Variants in RABGAP1L observed in about 807,000 individuals in gnomAD.
RABGAP1L encodes RAB GTPase activating protein 1 like.
In RABGAP1L, 63 loss-of-function variants were observed where a neutral mutation model predicts 137.7. That is an observed-to-expected ratio of 0.46 (90% CI 0.37 to 0.56). The LOEUF is 0.56. Among genes scored for constraint, RABGAP1L ranks in the 20% least tolerant of loss-of-function variants. The pLI is 0.00. For missense variants in RABGAP1L, 1,095 were observed against 1,244.0 expected (o/e 0.88, Z 1.80); for synonymous variants, 431 against 433.7 (o/e 0.99, Z 0.08).
chr1:174,195,785 TTTTCTTTCTTTCTTTCTTTCTTTCTATCC>T lies in RABGAP1L; in HGVS notation c.-33-23337_-33-23309del, dbSNP rs1280488872. ...TCTCTTTCTCTCTTTCCTTTCTTTC[TTTTCTTTCTTTCTTTCTTTCTTTCTATCC>T]TTCTTTCTTTCTATCCTTCTTCTTC... On this transcript the variant is annotated intron_variant, in intron 1 of 25. Transcript: ENST00000681986. 2.7e-4 allele frequency among the ~76,000 whole-genome samples: 31 copies of T among 112,872 alleles called. 3 individuals are homozygous for T. The highest frequency in any genetic ancestry group is 2.3e-3 in the East Asian group (10 of 4,292). 74.0% of individuals were successfully genotyped at this position (112,872 alleles called of 152,430 possible). A position where few individuals can be genotyped will look rare whatever the true frequency, so the allele number is the denominator to read the frequency against.
intron 24 of RABGAP1L, among the ~76,000 whole-genome samples, chr1:174,983,672 TA>T (rs1016082478): frequency 2.8e-4 from 43 of 152,202 alleles, no homozygotes; most frequent in African/African-American, 1.0e-3. Context: ...TTGTGTTCTA[TA>T]AAATGGAGAT....
intron 19 of RABGAP1L, among the ~76,000 whole-genome samples, chr1:174,841,633 A>G (rs577183076): frequency 6.6e-6 from 1 of 152,110 alleles, no homozygotes; most frequent in African/African-American, 2.4e-5. Flanking sequence ...AAAATATGAT[A>G]TTAAGTTTAT....
chr1:174,752,440 C>A, intron 18 of RABGAP1L, 86 bp downstream of exon 18: 1 of 1,011,222 alleles, frequency 9.9e-7, no homozygotes, highest in Non-Finnish European at 1.4e-6. Flanking sequence ...CAGTCTTTGA[C>A]TCATTTCAGT....
chr1:174,772,307 G>A (rs926348375), intron 18 of RABGAP1L, among the ~76,000 whole-genome samples: 4 of 151,890 alleles, frequency 2.6e-5, no homozygotes, highest in African/African-American at 4.8e-5. Flanking sequence ...GGTCAGGGCA[G>A]TGGCTCAGGC....
chr1:174,700,965 G>A lies in RABGAP1L; in HGVS notation c.2026-1148G>A, dbSNP rs552465864. 337 of 958,622 alleles carry A rather than the reference G, an allele frequency of 3.5e-4. 4 individuals carry two copies. The South Asian group carries it at 5.5e-3, about 16-fold the overall frequency. 59.4% of individuals were successfully genotyped at this position (958,622 alleles called of 1,614,324 possible). A position where few individuals can be genotyped will look rare whatever the true frequency, so the allele number is the denominator to read the frequency against. ...CCTCAACCACATTTTTCTGTTAGCA[G>A]TTTTTTTTCAGTTAACTGAATGAGC... is the stretch of plus-strand genomic sequence containing the variant. On this transcript the variant is annotated intron_variant, in intron 16 of 25. Coordinates refer to ENST00000681986, the MANE Select transcript of RABGAP1L (RefSeq NM_001366446.1).
chr1:174,676,210 T>G (rs958673273), intron 14 of RABGAP1L, among the ~76,000 whole-genome samples: 1 of 152,164 alleles, frequency 6.6e-6, no homozygotes, highest in African/African-American at 2.4e-5. Flanking sequence ...TAGACCTGTA[T>G]ATTGTTGAGA....
chr1:174,493,655 A>G (rs1419972231), intron 13 of RABGAP1L, among the ~76,000 whole-genome samples: 1 of 151,856 alleles, frequency 6.6e-6, no homozygotes, highest in Non-Finnish European at 1.5e-5. Flanking sequence ...CTTTGTCTCT[A>G]CTGAAAATAC....
At chr1:174,814,846 G>A (rs192565957) in intron 19 of RABGAP1L, among the ~76,000 whole-genome samples, 7 of 152,014 alleles carry the variant, frequency 4.6e-5, no homozygotes, top group African/African-American at 7.2e-5. Flanking sequence ...GTGCCACCAC[G>A]CCTGGCTATT....
intron 13 of RABGAP1L, among the ~76,000 whole-genome samples, chr1:174,437,382 A>T (rs1653513244): frequency 6.6e-6 from 1 of 152,232 alleles, no homozygotes; most frequent in Non-Finnish European, 1.5e-5. Flanking sequence ...AAAGGACCTG[A>T]TGGAGCTGAA....
intron 19 of RABGAP1L, among the ~76,000 whole-genome samples, chr1:174,824,294 A>G (rs1691343408): frequency 6.6e-6 from 1 of 151,870 alleles, no homozygotes; most frequent in Admixed American, 6.6e-5. Context: ...CATCTCAAAA[A>G]AAATATATAG....
intron 19 of RABGAP1L, among the ~76,000 whole-genome samples, chr1:174,815,234 T>TAA (rs1184901295): frequency 2.6e-5 from 4 of 152,158 alleles, no homozygotes; most frequent in Non-Finnish European, 4.4e-5. Context: ...TAGGTAAGGA[T>TAA]GTGAGTCATC....
chr1:174,688,936 A>G (rs1678667860), intron 15 of RABGAP1L, among the ~76,000 whole-genome samples: 1 of 152,166 alleles, frequency 6.6e-6, no homozygotes, highest in Non-Finnish European at 1.5e-5. Context: ...ACTATAAAGA[A>G]CACCAATGAA....
intron 13 of RABGAP1L, among the ~76,000 whole-genome samples, chr1:174,519,752 C>G (rs545780464): frequency 6.6e-6 from 1 of 152,262 alleles, no homozygotes; most frequent in African/African-American, 2.4e-5. Context: ...GACAAACATA[C>G]ATTGCTAACT....
chr1:174,625,934 A>C (rs1389900792), intron 13 of RABGAP1L, among the ~76,000 whole-genome samples: 5 of 152,170 alleles, frequency 3.3e-5, no homozygotes, highest in Admixed American at 3.3e-4. Flanking sequence ...TAAAATTTGT[A>C]TGTATTTCAA....
At chr1:174,247,193 GAA>G (rs763095733) in intron 5 of RABGAP1L, among the ~76,000 whole-genome samples, 1 of 152,048 alleles carries the variant, frequency 6.6e-6, no homozygotes, top group Non-Finnish European at 1.5e-5. Context: ...CTGACATAAA[GAA>G]TGTGAAAAAG....
intron 17 of RABGAP1L, among the ~76,000 whole-genome samples, chr1:174,729,438 C>T (rs767995192): frequency 6.6e-5 from 10 of 152,054 alleles, no homozygotes; most frequent in African/African-American, 9.7e-5. Flanking sequence ...ATGACTAAGT[C>T]CTCAAAAGCA....
rs190091158 is a variant in RABGAP1L at position 174,358,894 on chromosome 1, C to A, written c.1466-12085C>A. Among the ~76,000 whole-genome samples, 45 of 152,160 alleles carry A rather than the reference C, an allele frequency of 3.0e-4. 1 individual carries two copies. In the East Asian group the frequency reaches 8.7e-3, roughly 29 times the overall value. The stretch of plus-strand genomic sequence containing the variant: ...GAAATAAAAGTGGCCACTACTATCA[C>A]GAAGCTCATAGTATGATGGGAGAAA... On this transcript the variant is annotated intron_variant, in intron 11 of 25. Transcript: ENST00000681986.
At chr1:174,531,713 C>T (rs1170922830) in intron 13 of RABGAP1L, among the ~76,000 whole-genome samples, 5 of 130,006 alleles carry the variant, frequency 3.8e-5, no homozygotes, top group South Asian at 2.5e-4. Context: ...CACTGCACTA[C>T]AGTCCAGGAA....
intron 13 of RABGAP1L, among the ~76,000 whole-genome samples, chr1:174,568,690 A>AGT (rs1217380064): frequency 2.0e-5 from 3 of 151,768 alleles, no homozygotes; most frequent in East Asian, 1.9e-4. Flanking sequence ...AGAAAGACTG[A>AGT]GTGTGTGTGT....
Sources: allele counts gnomAD v4.1 joint callset (sites outside exome capture counted in the v4.1 genomes callset), GRCh38; gene constraint gnomAD v4.1.1; transcripts MANE v1.5; gene names NCBI Gene and HGNC (gene_info 2026-07-23, HGNC 2026-07-21).